Variants in CHD1L observed in about 807,000 individuals in gnomAD.
The protein encoded by CHD1L is ATP-dependent chromatin remodeler CHD1L.
A neutral mutation model predicts 115.9 loss-of-function variants in CHD1L; 118 were observed. That is an observed-to-expected ratio of 1.02 (90% confidence interval 0.88 to 1.19). CHD1L has a LOEUF of 1.19. Among genes scored for constraint, CHD1L ranks in the 50% most tolerant of loss-of-function variants. CHD1L has a pLI of 0.00. For missense variants in CHD1L, 1,179 were observed against 1,065.3 expected (o/e 1.11, Z -1.49); for synonymous variants, 411 against 387.1 (o/e 1.06, Z -0.72).
chr1:147,178,420 CTGAA>C, the CHD1L span: 1 of 1,611,526 alleles, frequency 6.2e-7, no homozygotes, highest in African/African-American at 1.3e-5. Context: ...ATATCCAACC[CTGAA>C]TATGTTTAGA....
intron 7 of CHD1L, among the ~76,000 whole-genome samples, chr1:147,265,328 T>C (rs1333155890): frequency 1.3e-5 from 2 of 152,236 alleles, no homozygotes; most frequent in Non-Finnish European, 2.9e-5. Context: ...GACATACTTG[T>C]ATTACATGGG....
the CHD1L span, among the ~76,000 whole-genome samples, chr1:147,196,979 T>C: frequency 6.6e-6 from 1 of 152,154 alleles, no homozygotes; most frequent in Non-Finnish European, 1.5e-5. Flanking sequence ...CTATTTCCCA[T>C]TTCACTCCTC....
the CHD1L span, among the ~76,000 whole-genome samples, chr1:147,200,573 C>CGG: frequency 5.4e-5 from 7 of 129,182 alleles, no homozygotes; most frequent in East Asian, 1.4e-3. Flanking sequence ...ATTCTACTGA[C>CGG]TCATATGAAA....
the CHD1L span, among the ~76,000 whole-genome samples, chr1:147,218,138 T>G: frequency 1.2e-4 from 18 of 152,194 alleles, no homozygotes; most frequent in African/African-American, 4.3e-4. Context: ...GTCAAATGCA[T>G]AGATATATTT....
At chr1:147,248,804 A>G (rs1476025331) in intron 1 of CHD1L, among the ~76,000 whole-genome samples, 1 of 152,130 alleles carries the variant, frequency 6.6e-6, no homozygotes, top group Non-Finnish European at 1.5e-5. Context: ...TACTTATTTG[A>G]GTAAAGTATG....
chr1:147,272,500 G>A, intron 12 of CHD1L: 1 of 408,554 alleles, frequency 2.4e-6, no homozygotes. Flanking sequence ...TGGGGTTATT[G>A]GAAAGTAATT....
chr1:147,245,890 G>A (rs1483974083), intron 1 of CHD1L, among the ~76,000 whole-genome samples: 2 of 151,880 alleles, frequency 1.3e-5, no homozygotes, highest in Non-Finnish European at 1.5e-5. Context: ...TTCCCCTCGT[G>A]GTCATATCTT....
intron 14 of CHD1L, among the ~76,000 whole-genome samples, chr1:147,278,257 G>A (rs780736375): frequency 9.7e-5 from 11 of 113,058 alleles, no homozygotes; most frequent in South Asian, 8.7e-4. Context: ...ACAGAGTCTC[G>A]TTCTGTTGCC....
chr1:147,252,455 G>A (rs1272289797), intron 1 of CHD1L, among the ~76,000 whole-genome samples, 168 bp from the exon 2 acceptor site: 3 of 152,196 alleles, frequency 2.0e-5, no homozygotes, highest in African/African-American at 4.8e-5. Flanking sequence ...AAGTAGTTTG[G>A]AAGTCAGCAG....
intron 14 of CHD1L, 44 bp downstream of exon 14, chr1:147,276,301 C>G: frequency 6.3e-7 from 1 of 1,593,020 alleles, no homozygotes; most frequent in African/African-American, 1.4e-5. Flanking sequence ...TATACCAATA[C>G]CCTTTGTGGA....
rs782699031 is a variant in CHD1L at position 147,283,535 on chromosome 1, C to T, written c.1706-816C>T. On this transcript the variant is annotated intron_variant, in intron 15 of 22. Coordinates refer to ENST00000369258, the MANE Select transcript of CHD1L (RefSeq NM_004284.6). ...CCTCATTGAGCCTTTTTGTTCTCAT[C>T]TGTAAAATGGTCCTATTAATGCCTA... Among the ~76,000 whole-genome samples the T allele has an allele frequency of 1.4e-4, 22 of 152,244 alleles. 2 individuals are homozygous for T. Among genetic ancestry groups the T allele is most frequent in the Middle Eastern group, 6.8e-3 (2 of 294 alleles).
At position 147,256,569 on chromosome 1, in the gene CHD1L, A is replaced by G. The variant is rs1559756987; in HGVS notation, c.494+7A>G. 6.2e-7 allele frequency: 1 copy of G among 1,612,106 alleles called. No individual in the cohort carries two copies. Among genetic ancestry groups the G allele is most frequent in the Admixed American group, 1.7e-5 (1 of 59,828 alleles). On this transcript the variant is annotated splice_region_variant and intron_variant, in intron 5 of 22. Coordinates refer to ENST00000369258, the MANE Select transcript of CHD1L (RefSeq NM_004284.6). ...ATGCATCATTTCTAAAATCGTGAGT[A>G]GGTTGTACTATTTAAGAACTTGGGT...
chr1:147,235,584 G>A, the CHD1L span, among the ~76,000 whole-genome samples: 1 of 152,052 alleles, frequency 6.6e-6, no homozygotes, highest in Non-Finnish European at 1.5e-5. Flanking sequence ...TGTGCCTCAG[G>A]GATAGATACA....
rs1211575735 is a variant in CHD1L at position 147,288,343 on chromosome 1, AAAAG to A, written c.2320+614_2320+617del. Among the ~76,000 whole-genome samples the A allele has an allele frequency of 8.8e-4, 46 of 52,138 alleles. 1 individual carries two copies. In the East Asian group the frequency reaches 0.017, roughly 19 times the overall value. 34.2% of individuals were successfully genotyped at this position (52,138 alleles called of 152,430 possible). On this transcript the variant is annotated intron_variant, in intron 19 of 22. Coordinates refer to ENST00000369258, the MANE Select transcript of CHD1L (RefSeq NM_004284.6). ...GTTTCAATAAAAAAAAAAAAAAAAA[AAAAG>A]AAAAAGAGAACTATTGGAATAAACA... is the stretch of plus-strand genomic sequence containing the variant.
At chr1:147,289,481 C>A (rs980587792) in intron 19 of CHD1L, among the ~76,000 whole-genome samples, 1 of 152,076 alleles carries the variant, frequency 6.6e-6, no homozygotes, top group Non-Finnish European at 1.5e-5. Flanking sequence ...AGGTTGCTCA[C>A]CTTGGAGCAC....
At chr1:147,180,571 A>C in the CHD1L span, among the ~76,000 whole-genome samples, 1 of 152,208 alleles carries the variant, frequency 6.6e-6, no homozygotes, top group South Asian at 2.1e-4. Flanking sequence ...GACTACAGGC[A>C]TGAGCCACTG....
At chr1:147,282,701 T>A (rs781812693) in intron 15 of CHD1L, among the ~76,000 whole-genome samples, 1 of 152,230 alleles carries the variant, frequency 6.6e-6, no homozygotes, top group Admixed American at 6.5e-5. Flanking sequence ...AGCAACACAC[T>A]CAGTTCTGTA....
At chr1:147,178,664 T>C in the CHD1L span, 1 of 1,574,334 alleles carries the variant, frequency 6.4e-7, no homozygotes, top group Non-Finnish European at 8.7e-7. Flanking sequence ...AACTACCGAT[T>C]TGCACATACG....
At chr1:147,203,140 T>A in the CHD1L span, 1 of 466,610 alleles carries the variant, frequency 2.1e-6, no homozygotes, top group East Asian at 3.7e-5. Context: ...AGTAACAATA[T>A]GTTTATTATA....
Sources: allele counts gnomAD v4.1 joint callset (sites outside exome capture counted in the v4.1 genomes callset), GRCh38; gene constraint gnomAD v4.1.1; transcripts MANE v1.5; gene names NCBI Gene and HGNC (gene_info 2026-07-23, HGNC 2026-07-21).